Variants in TMEM161B observed in about 807,000 individuals in gnomAD.
TMEM161B encodes transmembrane protein 161B.
A neutral mutation model predicts 61.8 loss-of-function variants in TMEM161B; 34 were observed. The observed-to-expected ratio is 0.55, with a 90% CI of 0.42 to 0.73. The LOEUF is 0.73. TMEM161B is among the 30% of genes least tolerant of loss of function. The pLI, the probability that TMEM161B is intolerant of heterozygous loss-of-function variation, is 0.00. For synonymous variants in TMEM161B, 167 were observed against 192.8 expected (o/e 0.87, Z 1.11); for missense variants, 456 against 558.5 (o/e 0.82, Z 1.85).
chr5:88,196,695 T>C (rs1326726062), intron 11 of TMEM161B, among the ~76,000 whole-genome samples: 1 of 151,996 alleles, frequency 6.6e-6, no homozygotes, highest in East Asian at 1.9e-4. Flanking sequence ...TCAGTAAAGG[T>C]ACACATTAAA....
chr5:88,190,309 A>T, downstream of TMEM161B: 1 of 699,064 alleles, frequency 1.4e-6, no homozygotes, highest in Middle Eastern at 3.7e-4. Flanking sequence ...AAAGGCTGAC[A>T]AATGCGAGAT....
intron 2 of TMEM161B, among the ~76,000 whole-genome samples, chr5:88,231,747 T>C (rs1751027106): frequency 6.6e-6 from 1 of 152,166 alleles, no homozygotes; most frequent in Non-Finnish European, 1.5e-5. Flanking sequence ...TCGCGGTAGT[T>C]AGGTTTTATA....
chr5:88,237,335 A>T (rs1232516723), intron 2 of TMEM161B, among the ~76,000 whole-genome samples: 3 of 152,134 alleles, frequency 2.0e-5, no homozygotes, highest in African/African-American at 7.2e-5. Flanking sequence ...AAAGATCCAC[A>T]GCTCACTCTC....
chr5:88,223,221 C>T (rs1376232564), intron 4 of TMEM161B, among the ~76,000 whole-genome samples: 3 of 147,994 alleles, frequency 2.0e-5, no homozygotes, highest in Non-Finnish European at 4.5e-5. Context: ...TTATTCAACT[C>T]TTCTTTCTAA....
chr5:88,217,788 G>A (rs1398076737), intron 5 of TMEM161B, among the ~76,000 whole-genome samples: 1 of 151,604 alleles, frequency 6.6e-6, no homozygotes, highest in Non-Finnish European at 1.5e-5. Flanking sequence ...GATTTTTAAT[G>A]TCTCACACTT....
At chr5:88,201,432 G>A (rs1413475542) in intron 9 of TMEM161B, 1 of 151,996 alleles carries the variant, frequency 6.6e-6, no homozygotes, top group Non-Finnish European at 1.5e-5. Flanking sequence ...TTTAACCTCT[G>A]AGCCTGTTAT....
chr5:88,225,140 T>C (rs778152758), intron 4 of TMEM161B, among the ~76,000 whole-genome samples: 7 of 151,982 alleles, frequency 4.6e-5, no homozygotes, highest in Non-Finnish European at 1.0e-4. Context: ...GCTAATTTTT[T>C]GTATTTTTAG....
downstream of TMEM161B, among the ~76,000 whole-genome samples, chr5:88,191,982 GTATATATATATATATATATATATA>G (rs67658909): frequency 1.9e-3 from 37 of 19,664 alleles, 3 homozygotes; most frequent in South Asian, 0.063. Context: ...AAAAAAAAGT[GTATATATATATATATATATATATA>G]TATATATATA....
chr5:88,257,153 C>T (rs754892276), intron 1 of TMEM161B, among the ~76,000 whole-genome samples: 67 of 152,186 alleles, frequency 4.4e-4, no homozygotes, highest in Admixed American at 7.9e-4. Flanking sequence ...CCTGTAATCC[C>T]AGCTACTTGG....
chr5:88,239,389 T>A (rs1752376885), intron 2 of TMEM161B, among the ~76,000 whole-genome samples: 1 of 152,016 alleles, frequency 6.6e-6, no homozygotes, highest in Admixed American at 6.6e-5. Context: ...TTACTTAGTT[T>A]ACTGAGACCC....
chr5:88,254,059 C>A (rs1754671991), intron 1 of TMEM161B, among the ~76,000 whole-genome samples: 1 of 151,630 alleles, frequency 6.6e-6, no homozygotes, highest in African/African-American at 2.4e-5. Context: ...AGGGAAGGAA[C>A]CAACATTAGG....
intron 7 of TMEM161B, 59 bp downstream of exon 7, chr5:88,206,380 G>A: frequency 1.5e-6 from 2 of 1,372,348 alleles, no homozygotes; most frequent in Non-Finnish European, 2.0e-6. Context: ...AGTAAATACT[G>A]CTTTATTAAA....
intron 9 of TMEM161B, chr5:88,200,016 G>C (rs1200097389): frequency 6.6e-6 from 1 of 151,718 alleles, no homozygotes; most frequent in Non-Finnish European, 1.5e-5. Flanking sequence ...ATAAAACCTG[G>C]AACTCAGAAG....
chr5:88,249,821 A>G (rs1754094849), intron 1 of TMEM161B, among the ~76,000 whole-genome samples: 1 of 152,040 alleles, frequency 6.6e-6, no homozygotes, highest in African/African-American at 2.4e-5. Context: ...ATGAACCCCA[A>G]AACTCCCACC....
downstream of TMEM161B, among the ~76,000 whole-genome samples, chr5:88,193,674 A>G (rs1411809441): frequency 6.6e-6 from 1 of 152,194 alleles, no homozygotes; most frequent in Non-Finnish European, 1.5e-5. Flanking sequence ...CTTTTACACC[A>G]TATTACTGCA....
At chr5:88,206,097 T>A in intron 7 of TMEM161B, 143 bp from the exon 8 acceptor site, 1 of 737,706 alleles carries the variant, frequency 1.4e-6, no homozygotes, top group Non-Finnish European at 2.2e-6. Context: ...ATTATTCAAG[T>A]ACCTATAATG....
rs909623544 is a variant in TMEM161B, at chr5:88,254,429, G to A, written c.4-13513C>T. ...CTGTAAAAGAAAGGAGAGGAAGAAG[G>A]GACAGCTAAAATTTGTGAAAATTTT... On this transcript the variant is annotated intron_variant, in intron 1 of 11. Coordinates refer to ENST00000296595, the MANE Select transcript of TMEM161B (RefSeq NM_153354.5). 1.4e-4 allele frequency among the ~76,000 whole-genome samples: 22 copies of A among 152,078 alleles called. No individual in the cohort carries two copies. The East Asian group carries it at 4.2e-3, about 29-fold the overall frequency.
chr5:88,223,897 TA>T (rs879564875), intron 4 of TMEM161B, among the ~76,000 whole-genome samples: 61 of 138,864 alleles, frequency 4.4e-4, no homozygotes, highest in African/African-American at 9.2e-4. Flanking sequence ...TCAAAAAAAA[TA>T]AAAAAAAAAA....
intron 5 of TMEM161B, among the ~76,000 whole-genome samples, chr5:88,209,805 C>T (rs1561328144): frequency 6.6e-6 from 1 of 152,162 alleles, no homozygotes; most frequent in Non-Finnish European, 1.5e-5. Flanking sequence ...GAATAGTGTA[C>T]TTGCCATCTC....
Sources: gnomAD v4.1 joint callset for allele counts (sites outside exome capture counted in the v4.1 genomes callset) on GRCh38, gnomAD v4.1.1 for gene constraint, MANE v1.5 for transcripts, NCBI Gene and HGNC (gene_info 2026-07-23, HGNC 2026-07-21) for gene names.